ENPP7: variants seen among roughly 807,000 people sequenced by gnomAD.
The protein encoded by ENPP7 is ectonucleotide pyrophosphatase/phosphodiesterase 7, also known as ectonucleotide pyrophosphatase/phosphodiesterase family member 7.
In ENPP7, 39 loss-of-function variants were observed where a neutral mutation model predicts 33.6. That is an observed-to-expected ratio of 1.16 (90% CI 0.90 to 1.52). The LOEUF (loss-of-function observed/expected upper bound fraction) is 1.52, where lower values mean the gene tolerates loss of function less well. ENPP7 is among the 40% of genes most tolerant of loss of function. ENPP7 has a pLI of 0.00. For synonymous variants in ENPP7, 244 were observed against 274.3 expected (o/e 0.89, Z 1.09); for missense variants, 594 against 641.0 (o/e 0.93, Z 0.79).
chr17:79,738,490 A>AGTGCTCCCTTGTCTGTCTGTGCAG lies in ENPP7; in HGVS notation c.*16+428_*16+429insGTGCTCCCTTGTCTGTCTGTGCAG. On this transcript the variant is annotated intron_variant, in intron 5 of 5. Coordinates refer to ENST00000328313, the MANE Select transcript of ENPP7 (RefSeq NM_178543.5). This position sits in a 1 kb window ranked among gnomAD's most constrained non-coding sequence, Gnocchi z 6.2. ...GAACTCTCCAGGAGCCTCCTAGGAC[A>AGTGCTCCCTTGTCTGTCTGTGCAG]CGCATGAGGTGTGTTTGGTAGGAGA... 1 of 174,370 alleles carries AGTGCTCCCTTGTCTGTCTGTGCAG rather than the reference A, an allele frequency of 5.7e-6. No homozygotes were observed. The highest frequency in any genetic ancestry group is 1.4e-4 in the East Asian group (1 of 7,000). The allele number at this position is 174,370 out of a possible 1,614,324, so 10.8% of individuals were successfully genotyped here. A position where few individuals can be genotyped will look rare whatever the true frequency, so the allele number is the denominator to read the frequency against.
Position 79,738,851 on chromosome 17 carries a change from A to G in ENPP7, c.*16+789A>G, listed in dbSNP as rs2094300778. 1 of 152,194 alleles carries G rather than the reference A, an allele frequency of 6.6e-6. No individual in the cohort carries two copies. Among genetic ancestry groups the G allele is most frequent in the Non-Finnish European group, 1.5e-5 (1 of 68,106 alleles). 9.4% of individuals were successfully genotyped at this position (152,194 alleles called of 1,614,324 possible). The stretch of plus-strand genomic sequence containing the variant: ...CCAAGCAGAAGAAAGTCATTCATTC[A>G]TCCCGAAAATATGTAACGGGAGCCA... On this transcript the variant is annotated intron_variant, in intron 5 of 5. Transcript: ENST00000328313. The surrounding 1 kb of genome is among the most constrained non-coding windows in gnomAD (Gnocchi z 6.2).
intron 1 of ENPP7, among the ~76,000 whole-genome samples, chr17:79,732,816 G>A (rs2094288888): frequency 6.6e-6 from 1 of 152,224 alleles, no homozygotes; most frequent in African/African-American, 2.4e-5. Context: ...GGTTCCAAGT[G>A]AGCATGAATG....
rs143921722 is a variant in ENPP7, at chr17:79,735,493, G to A, written c.850G>A (p.Gly284Arg). 41 of 1,614,094 alleles carry A rather than the reference G, an allele frequency of 2.5e-5. No homozygotes were observed. The highest frequency in any genetic ancestry group is 1.2e-4 in the South Asian group (11 of 91,078). Residue 284 changes from glycine (G) to arginine (R), a missense_variant, in exon 3 of 6, where the codon GGG becomes AGG. Gly to Arg is a moderately radical substitution (Grantham distance 125, BLOSUM62 -2). This residue lies in a region of ENPP7 where 504 missense variants were observed against 512.8 expected (regional missense o/e 0.98). Coordinates refer to ENST00000328313, the MANE Select transcript of ENPP7 (RefSeq NM_178543.5). This position sits in a 1 kb window ranked among gnomAD's most constrained non-coding sequence, Gnocchi z 5.5. ...EFELLDYGPN[G>R]MLLPKEGRLE... ...TGAGCTCCTGGACTACGGACCAAAC[G>A]GGATGCTGCTCCCTAAAGAAGGGAG...
Position 79,742,032 on chromosome 17 carries a change from G to A in ENPP7, c.*255G>A. The A allele has an allele frequency of 2.7e-6, 2 of 753,116 alleles. No homozygotes were observed. The highest frequency in any genetic ancestry group is 3.2e-6 in the Non-Finnish European group (2 of 615,852). 46.7% of individuals were successfully genotyped at this position (753,116 alleles called of 1,614,324 possible). On this transcript the variant is annotated 3_prime_UTR_variant, in exon 6 of 6. Transcript: ENST00000328313. ...GCCCCCTGCCCCTGCCCCTGCTCCTGCTCCTCCCCTTCGGGCCCCCTCCTC... is the reference window on the plus strand; with the variant it reads ...GCCCCCTGCCCCTGCCCCTGCTCCTACTCCTCCCCTTCGGGCCCCCTCCTC...
Position 79,735,092 on chromosome 17 carries a change from A to T in ENPP7, c.449A>T (p.Gln150Leu). The change falls in exon 3 of 6, where the codon CAA becomes CTA. Residue 150 changes from glutamine (Q) to leucine (L), a missense_variant. This residue lies in a region of ENPP7 where 504 missense variants were observed against 512.8 expected (regional missense o/e 0.98). Transcript: ENST00000328313. This position sits in a 1 kb window ranked among gnomAD's most constrained non-coding sequence, Gnocchi z 5.5. ...FFYPGGNVTY[Q>L]GVAVTRSRKE... ...TACCCGGGCGGGAACGTCACCTACCAAGGGGTGGCTGTGACGCGGAGCCGG... is the reference window on the plus strand; with the variant it reads ...TACCCGGGCGGGAACGTCACCTACCTAGGGGTGGCTGTGACGCGGAGCCGG... 6.2e-7 allele frequency: 1 copy of T among 1,613,004 alleles called. No individual in the cohort carries two copies. The highest frequency in any genetic ancestry group is 8.5e-7 in the Non-Finnish European group (1 of 1,180,012).
chr17:79,738,330 A>C lies in ENPP7; in HGVS notation c.*16+268A>C. ...GGCCAGAATTCCCACCCTCCCCCAA[A>C]AGCCAGAACTCCCTCAGCCTCTGGC... is the stretch of plus-strand genomic sequence containing the variant. On this transcript the variant is annotated intron_variant, in intron 5 of 5. Transcript: ENST00000328313. This position sits in a 1 kb window ranked among gnomAD's most constrained non-coding sequence, Gnocchi z 6.2. 1 of 383,348 alleles carries C rather than the reference A, an allele frequency of 2.6e-6. No individual in the cohort carries two copies. The highest frequency in any genetic ancestry group is 4.9e-6 in the Non-Finnish European group (1 of 205,560). 23.7% of individuals were successfully genotyped at this position (383,348 alleles called of 1,614,324 possible). A position where few individuals can be genotyped will look rare whatever the true frequency, so the allele number is the denominator to read the frequency against.
intron 2 of ENPP7, among the ~76,000 whole-genome samples, chr17:79,734,733 CT>C (rs1346388782): frequency 2.0e-5 from 3 of 152,322 alleles, no homozygotes; most frequent in East Asian, 3.9e-4. Context: ...CCGCCTTGGC[CT>C]CCCAAAGTGC....
Position 79,735,703 on chromosome 17 carries a change from G to C in ENPP7, c.1026+34G>C, listed in dbSNP as rs2094294488. 1 of 1,569,130 alleles carries C rather than the reference G, an allele frequency of 6.4e-7. No homozygotes were observed. The highest frequency in any genetic ancestry group is 8.6e-7 in the Non-Finnish European group (1 of 1,158,224). On this transcript the variant is annotated intron_variant, in intron 3 of 5. Coordinates refer to ENST00000328313, the MANE Select transcript of ENPP7 (RefSeq NM_178543.5). This position sits in a 1 kb window ranked among gnomAD's most constrained non-coding sequence, Gnocchi z 5.5. ...CCTGCTGGAGGCACCACCTCCAGGG[G>C]CTCCCTCCCCAGGCTCTGGGTCTTC...
intron 1 of ENPP7, among the ~76,000 whole-genome samples, chr17:79,732,109 C>CATATATATACACATAT (rs2094286561): frequency 7.3e-5 from 6 of 82,590 alleles, no homozygotes; most frequent in Admixed American, 5.4e-4. Context: ...TATATATATA[C>CATATATATACACATAT]ATATATATAT....
At chr17:79,732,919 C>A (rs552222786) in intron 1 of ENPP7, among the ~76,000 whole-genome samples, 12 of 152,338 alleles carry the variant, frequency 7.9e-5, no homozygotes, top group African/African-American at 2.9e-4. Flanking sequence ...GCGGGTCTCC[C>A]GTCTGCGCAG....
chr17:79,741,046 G>A (rs1392229269), intron 5 of ENPP7, among the ~76,000 whole-genome samples: 4 of 151,986 alleles, frequency 2.6e-5, no homozygotes, highest in Admixed American at 6.6e-5. Context: ...GTGCAGTGGT[G>A]CAATCACAGC....
At chr17:79,740,257 G>T (rs1178498206) in intron 5 of ENPP7, among the ~76,000 whole-genome samples, 1 of 152,106 alleles carries the variant, frequency 6.6e-6, no homozygotes, top group Admixed American at 6.5e-5. Flanking sequence ...TAGGAATGTG[G>T]AGATGTGTGT....
Position 79,735,584 on chromosome 17 carries a change from C to T in ENPP7, c.941C>T (p.Ala314Val), listed in dbSNP as rs148221256. ...HPKLHVYKKE[A>V]FPEAFHYANN... Reference sequence around the variant, plus strand: ...AAGCTCCACGTCTACAAGAAGGAGGCGTTCCCCGAGGCCTTCCACTACGCC... The same window carrying T: ...AAGCTCCACGTCTACAAGAAGGAGGTGTTCCCCGAGGCCTTCCACTACGCC... The change falls in exon 3 of 6, where the codon GCG becomes GTG. Residue 314 changes from alanine (A) to valine (V), a missense_variant. Physicochemically the swap from Ala to Val is moderately conservative, Grantham distance 64. Coordinates refer to ENST00000328313, the MANE Select transcript of ENPP7 (RefSeq NM_178543.5). The surrounding 1 kb of genome is among the most constrained non-coding windows in gnomAD (Gnocchi z 5.5). The T allele has an allele frequency of 4.6e-4, 737 of 1,613,828 alleles. 10 individuals are homozygous for T. The East Asian group carries it at 0.016, about 35-fold the overall frequency.
intron 1 of ENPP7, among the ~76,000 whole-genome samples, 181 bp from the exon 2 acceptor site, chr17:79,733,327 T>C (rs2094289629): frequency 6.6e-6 from 1 of 152,154 alleles, no homozygotes; most frequent in Non-Finnish European, 1.5e-5. Flanking sequence ...ACCTCGAACC[T>C]TGGCTCCCAC....
At chr17:79,732,109 C>CATATATATATATACAT (rs200923031) in intron 1 of ENPP7, among the ~76,000 whole-genome samples, 1 of 82,596 alleles carries the variant, frequency 1.2e-5, no homozygotes, top group African/African-American at 4.1e-5. Flanking sequence ...TATATATATA[C>CATATATATATATACAT]ATATATATAT....
At chr17:79,734,278 A>G (rs1598199493) in intron 2 of ENPP7, among the ~76,000 whole-genome samples, 1 of 152,044 alleles carries the variant, frequency 6.6e-6, no homozygotes, top group East Asian at 1.9e-4. Context: ...CCCAGAGCCA[A>G]GTTATCCACT....
At chr17:79,736,930 C>A in intron 3 of ENPP7, 111 bp from the exon 4 acceptor site, 3 of 801,622 alleles carry the variant, frequency 3.7e-6, no homozygotes, top group South Asian at 1.6e-5. Context: ...ACCCCTCCAG[C>A]CCTCACGTTG....
At chr17:79,736,625 A>T (rs2094296488) in intron 3 of ENPP7, among the ~76,000 whole-genome samples, 1 of 151,956 alleles carries the variant, frequency 6.6e-6, no homozygotes, top group Non-Finnish European at 1.5e-5. Context: ...CAAGGGTGAC[A>T]TGGAAGAGGT....
At chr17:79,740,827 G>T (rs1350501759) in intron 5 of ENPP7, among the ~76,000 whole-genome samples, 1 of 152,100 alleles carries the variant, frequency 6.6e-6, no homozygotes, top group African/African-American at 2.4e-5. Flanking sequence ...TGAGGTCACC[G>T]AACACAAAGT....
Sources: gnomAD v4.1 joint callset for allele counts (sites outside exome capture counted in the v4.1 genomes callset) on GRCh38, gnomAD v4.1.1 for gene constraint, gnomAD v4.1.1 regional missense constraint, Gnocchi (gnomAD v3.1) non-coding constraint, MANE v1.5 for transcripts, NCBI Gene and HGNC (gene_info 2026-07-23, HGNC 2026-07-21) for gene names.